ELP4: variants seen among roughly 807,000 people sequenced by gnomAD.
ELP4 encodes elongator acetyltransferase complex subunit 4.
ELP4 carries 51 observed loss-of-function variants against 48.9 expected under a neutral mutation model. That is an observed-to-expected ratio of 1.04 (90% CI 0.83 to 1.32). The LOEUF is 1.32. Ranked by LOEUF, ELP4 falls within the 40% of genes most tolerant of loss-of-function variation. ELP4 has a pLI of 0.00. For synonymous variants in ELP4, 210 were observed against 189.2 expected (o/e 1.11, Z -0.90); for missense variants, 519 against 514.6 (o/e 1.01, Z -0.08).
At chr11:31,527,025 C>G (rs889520528) in intron 2 of ELP4, among the ~76,000 whole-genome samples, 2 of 151,976 alleles carry the variant, frequency 1.3e-5, no homozygotes, top group Non-Finnish European at 2.9e-5. Flanking sequence ...ACTACCATTT[C>G]ACTGAAACCA....
chr11:31,601,238 G>T (rs920168399), intron 4 of ELP4, among the ~76,000 whole-genome samples: 10 of 151,964 alleles, frequency 6.6e-5, no homozygotes, highest in Non-Finnish European at 2.9e-5. Flanking sequence ...AAAGATTTCA[G>T]TGTTTCAAAA....
intron 9 of ELP4, among the ~76,000 whole-genome samples, chr11:31,679,163 C>T (rs1445272819): frequency 6.6e-6 from 1 of 151,970 alleles, no homozygotes; most frequent in Non-Finnish European, 1.5e-5. Flanking sequence ...ATTTTGTATA[C>T]CATTTGTTTA....
At chr11:31,568,658 G>A (rs1207966387) in intron 3 of ELP4, among the ~76,000 whole-genome samples, 1 of 152,120 alleles carries the variant, frequency 6.6e-6, no homozygotes, top group African/African-American at 2.4e-5. Context: ...TGACAAAGTA[G>A]ACAAAAGTAA....
At position 31,745,621 on chromosome 11, in the gene ELP4, A is replaced by G. The variant is rs553028227; in HGVS notation, c.1144-37772A>G. Among the ~76,000 whole-genome samples the G allele has an allele frequency of 2.7e-4, 41 of 152,340 alleles. 1 individual carries two copies. The highest frequency in any genetic ancestry group is 1.2e-3 in the Admixed American group (19 of 15,306). On this transcript the variant is annotated intron_variant, in intron 9 of 9. Transcript: ENST00000640961. ...AACTATCTGATCTTTGACAAATCTG[A>G]CAAAAACAAGCAATGGGGAAAGGAT...
At chr11:31,526,213 T>A (rs1437473745) in intron 2 of ELP4, among the ~76,000 whole-genome samples, 1 of 152,154 alleles carries the variant, frequency 6.6e-6, no homozygotes, top group Non-Finnish European at 1.5e-5. Flanking sequence ...CAAGATCACA[T>A]ATATGGTAGC....
chr11:31,678,497 G>GTA (rs1565107976), intron 9 of ELP4, among the ~76,000 whole-genome samples: 1 of 12,674 alleles, frequency 7.9e-5, no homozygotes, highest in African/African-American at 1.4e-4. Flanking sequence ...ATATATGTAT[G>GTA]TGTGTGTGTG....
At chr11:31,695,173 G>A (rs1290062988) in intron 9 of ELP4, among the ~76,000 whole-genome samples, 1 of 152,084 alleles carries the variant, frequency 6.6e-6, no homozygotes, top group Non-Finnish European at 1.5e-5. Flanking sequence ...GATTGTCATG[G>A]CCAGAACTTC....
rs534935094 is a variant in ELP4 at position 31,645,629 on chromosome 11, G to A, written c.928-2112G>A. 11 of 151,732 alleles carry A rather than the reference G, an allele frequency of 7.2e-5. No homozygotes were observed. The East Asian group carries it at 9.7e-4, about 13-fold the overall frequency. 9.4% of individuals were successfully genotyped at this position (151,732 alleles called of 1,614,324 possible). ...TAGTTTCAGATATTTAGATAAAAAGGCTTAGTCTTTTATTTATAGATAAAA... is the reference window on the plus strand; with the variant it reads ...TAGTTTCAGATATTTAGATAAAAAGACTTAGTCTTTTATTTATAGATAAAA... On this transcript the variant is annotated intron_variant, in intron 7 of 9. Transcript: ENST00000640961.
chr11:31,746,745 G>A lies in ELP4; in HGVS notation c.1144-36648G>A, dbSNP rs1047203706. Reference sequence around the variant, plus strand: ...ACACACCGGGGACTGTTGTGGGGTCGGTGGAGGGGGGAGGGATAGCATTAG... The same window carrying A: ...ACACACCGGGGACTGTTGTGGGGTCAGTGGAGGGGGGAGGGATAGCATTAG... On this transcript the variant is annotated intron_variant, in intron 9 of 9. Transcript: ENST00000640961. Among the ~76,000 whole-genome samples, 9 of 152,132 alleles carry A rather than the reference G, an allele frequency of 5.9e-5. No homozygotes were observed. In the South Asian group the frequency reaches 6.2e-4, roughly 11 times the overall value.
chr11:31,526,789 A>G (rs1425771901), intron 2 of ELP4, among the ~76,000 whole-genome samples: 1 of 151,948 alleles, frequency 6.6e-6, no homozygotes, highest in Non-Finnish European at 1.5e-5. Flanking sequence ...TTCTCTCCTT[A>G]TCTTTAATCT....
At chr11:31,562,370 T>G (rs939711515) in intron 3 of ELP4, among the ~76,000 whole-genome samples, 2 of 152,206 alleles carry the variant, frequency 1.3e-5, no homozygotes, top group Admixed American at 1.3e-4. Context: ...TCATTTGCTC[T>G]ATCTTAATCA....
At chr11:31,525,435 A>C (rs767848719) in intron 2 of ELP4, among the ~76,000 whole-genome samples, 7 of 152,224 alleles carry the variant, frequency 4.6e-5, no homozygotes, top group Non-Finnish European at 7.3e-5. Context: ...AACAGTACAT[A>C]TATAACATGC....
intron 9 of ELP4, 30 bp from the exon 10 acceptor site, chr11:31,783,363 T>G (rs1333510148): frequency 6.3e-7 from 1 of 1,590,482 alleles, no homozygotes; most frequent in African/African-American, 1.4e-5. Context: ...CTTTCTTCTT[T>G]TTTTCTTCTC....
intron 3 of ELP4, among the ~76,000 whole-genome samples, chr11:31,559,938 T>A (rs1168792992): frequency 6.6e-6 from 1 of 151,094 alleles, no homozygotes; most frequent in Non-Finnish European, 1.5e-5. Context: ...TCAGTTTTGT[T>A]GTTTTGTTCT....
intron 9 of ELP4, among the ~76,000 whole-genome samples, chr11:31,678,073 A>G (rs1386174241): frequency 3.3e-5 from 5 of 151,968 alleles, no homozygotes; most frequent in Non-Finnish European, 7.4e-5. Flanking sequence ...TACTGTTTCA[A>G]TAAACAATTT....
At chr11:31,669,223 C>T (rs577219759) in intron 9 of ELP4, among the ~76,000 whole-genome samples, 18 of 151,992 alleles carry the variant, frequency 1.2e-4, no homozygotes, top group Non-Finnish European at 2.2e-4. Flanking sequence ...CTCAGCCTCC[C>T]GAGTAGCTGG....
intron 3 of ELP4, among the ~76,000 whole-genome samples, chr11:31,592,355 G>A (rs1275631890): frequency 6.6e-6 from 1 of 151,962 alleles, no homozygotes; most frequent in Non-Finnish European, 1.5e-5. Flanking sequence ...ACCAGCCTGG[G>A]CAACATAGTG....
At chr11:31,524,099 T>C (rs1956257457) in intron 2 of ELP4, among the ~76,000 whole-genome samples, 1 of 152,204 alleles carries the variant, frequency 6.6e-6, no homozygotes, top group Non-Finnish European at 1.5e-5. Flanking sequence ...TGATACACTT[T>C]TGGATAATTA....
chr11:31,747,535 A>G (rs1947623840), intron 9 of ELP4, among the ~76,000 whole-genome samples: 1 of 152,198 alleles, frequency 6.6e-6, no homozygotes, highest in South Asian at 2.1e-4. Context: ...CATTTGAGAT[A>G]CTCACAATAT....
Sources: gnomAD v4.1 joint callset for allele counts (sites outside exome capture counted in the v4.1 genomes callset) on GRCh38, gnomAD v4.1.1 for gene constraint, MANE v1.5 for transcripts, NCBI Gene and HGNC (gene_info 2026-07-23, HGNC 2026-07-21) for gene names.